DEPDC5: variants seen among roughly 807,000 people sequenced by gnomAD.
The protein encoded by DEPDC5 is GATOR1 complex protein DEPDC5.
A neutral mutation model predicts 217.3 loss-of-function variants in DEPDC5; 73 were observed. The observed-to-expected ratio is 0.34, with a 90% confidence interval of 0.28 to 0.41. The LOEUF is 0.41. Ranked by LOEUF, DEPDC5 falls within the 10% of genes least tolerant of loss-of-function variation. DEPDC5 has a pLI of 1.00. For missense variants in DEPDC5, 1,675 were observed against 2,070.1 expected (o/e 0.81, Z 3.70); for synonymous variants, 733 against 756.7 (o/e 0.97, Z 0.51).
chr22:31,804,126 C>G (rs201410401), intron 15 of DEPDC5, 36 bp from the exon 16 acceptor site: 17 of 1,607,078 alleles, frequency 1.1e-5, no homozygotes, highest in Non-Finnish European at 1.4e-5. Context: ...TCTGCCATTC[C>G]CTCCCCACAA....
chr22:31,766,727 T>A, intron 6 of DEPDC5, 59 bp downstream of exon 6: 1 of 1,436,172 alleles, frequency 7.0e-7, no homozygotes, highest in Non-Finnish European at 9.8e-7. Context: ...ATAATCCCTG[T>A]TTATTATGGG....
chr22:31,760,344 A>G (rs1269159299), intron 3 of DEPDC5, among the ~76,000 whole-genome samples: 1 of 152,070 alleles, frequency 6.6e-6, no homozygotes, highest in Non-Finnish European at 1.5e-5. Flanking sequence ...CTGGGATTAC[A>G]GGCATGAGCC....
At chr22:31,785,011 T>A in intron 10 of DEPDC5, 136 bp downstream of exon 10, 1 of 650,596 alleles carries the variant, frequency 1.5e-6, no homozygotes, top group Non-Finnish European at 2.6e-6. Context: ...TAAATTACCC[T>A]AATAATCTCA....
intron 15 of DEPDC5, 34 bp downstream of exon 15, chr22:31,802,872 T>C (rs2087029105): frequency 7.1e-6 from 11 of 1,559,146 alleles, no homozygotes; most frequent in Non-Finnish European, 9.6e-6. Flanking sequence ...TGTCTCCACA[T>C]GTTCCTAGCC....
At chr22:31,859,379 C>CCA (rs1294631843) in intron 32 of DEPDC5, among the ~76,000 whole-genome samples, 9 of 146,854 alleles carry the variant, frequency 6.1e-5, no homozygotes, top group African/African-American at 5.1e-5. Context: ...GCGTGAGCCA[C>CCA]TGCGCCCGGC....
intron 31 of DEPDC5, among the ~76,000 whole-genome samples, chr22:31,848,534 C>T (rs1467908200): frequency 6.6e-6 from 1 of 152,152 alleles, no homozygotes; most frequent in African/African-American, 2.4e-5. Context: ...CCCCTTTTAG[C>T]CATGGCTGGA....
chr22:31,804,119 G>A, intron 15 of DEPDC5, 43 bp from the exon 16 acceptor site: 1 of 1,593,662 alleles, frequency 6.3e-7, no homozygotes. Flanking sequence ...ACTTGTCTCT[G>A]CCATTCCCTC....
chr22:31,788,475 A>C (rs2085266739), intron 10 of DEPDC5, among the ~76,000 whole-genome samples: 1 of 148,910 alleles, frequency 6.7e-6, no homozygotes, highest in Non-Finnish European at 1.5e-5. Flanking sequence ...ACTAGGTCTC[A>C]CTATGTTATC....
Position 31,906,513 on chromosome 22 carries a change from G to A in DEPDC5, c.*16G>A. On this transcript the variant is annotated 3_prime_UTR_variant, in exon 43 of 43. Coordinates refer to ENST00000651528, the MANE Select transcript of DEPDC5 (RefSeq NM_001242896.3). The surrounding 1 kb of genome is among the most constrained non-coding windows in gnomAD (Gnocchi z 5.1). The stretch of plus-strand genomic sequence containing the variant: ...TGCCCCGTGAGGCCAGGCTGCACCT[G>A]TGCTGGGGGAAGGTGGGTGAGCCAC... 1 of 1,610,544 alleles carries A rather than the reference G, an allele frequency of 6.2e-7. No individual in the cohort carries two copies. The highest frequency in any genetic ancestry group is 1.7e-5 in the Admixed American group (1 of 59,988).
intron 21 of DEPDC5, chr22:31,817,562 C>T: frequency 3.1e-6 from 1 of 322,540 alleles, no homozygotes; most frequent in East Asian, 8.3e-5. Context: ...AATATTGGCT[C>T]ACTACAGCCT....
intron 23 of DEPDC5, among the ~76,000 whole-genome samples, chr22:31,822,051 G>A (rs984844956): frequency 6.6e-6 from 1 of 152,164 alleles, no homozygotes; most frequent in African/African-American, 2.4e-5. Flanking sequence ...TCCCACTGTT[G>A]AGTTTAGAAT....
At chr22:31,784,933 T>A in intron 10 of DEPDC5, 58 bp downstream of exon 10, 1 of 1,490,460 alleles carries the variant, frequency 6.7e-7, no homozygotes, top group Non-Finnish European at 9.2e-7. Flanking sequence ...ATCAGATTTT[T>A]AAAATGCACT....
chr22:31,760,406 G>A (rs1374108689), intron 3 of DEPDC5, among the ~76,000 whole-genome samples: 21 of 152,042 alleles, frequency 1.4e-4, no homozygotes, highest in East Asian at 1.9e-4. Flanking sequence ...GGGTTTCACC[G>A]TGTTAGCCAG....
intron 8 of DEPDC5, among the ~76,000 whole-genome samples, chr22:31,780,700 G>A (rs1397624783): frequency 6.6e-6 from 1 of 152,170 alleles, no homozygotes; most frequent in Non-Finnish European, 1.5e-5. Context: ...CACCAGGCTG[G>A]AAGTACCTCC....
In DEPDC5 at chr22:31,838,858, C is replaced by T; in HGVS notation, c.2515+13C>T. The stretch of plus-strand genomic sequence containing the variant: ...CTCTATAGCCGAGGTGAGTTTTTCT[C>T]CTTGGATTTCTATTTTTTTCTCTTC... On this transcript the variant is annotated intron_variant, in intron 27 of 42. Transcript: ENST00000651528. The T allele has an allele frequency of 6.2e-7, 1 of 1,605,486 alleles. No individual in the cohort carries two copies. The highest frequency in any genetic ancestry group is 8.5e-7 in the Non-Finnish European group (1 of 1,174,138).
chr22:31,889,950 A>G (rs533626659), intron 38 of DEPDC5, among the ~76,000 whole-genome samples: 28 of 152,298 alleles, frequency 1.8e-4, no homozygotes, highest in Non-Finnish European at 2.9e-4. Context: ...CTTTAGCCTT[A>G]AATGTCACAG....
At chr22:31,878,479 G>C (rs2093066972) in intron 37 of DEPDC5, among the ~76,000 whole-genome samples, 1 of 151,822 alleles carries the variant, frequency 6.6e-6, no homozygotes, top group Non-Finnish European at 1.5e-5. Flanking sequence ...TGAGGTATGA[G>C]GATCTCTTGA....
intron 33 of DEPDC5, among the ~76,000 whole-genome samples, chr22:31,864,530 A>ATATATATATATATATATATATATATT (rs1372150061): frequency 8.6e-5 from 12 of 139,042 alleles, no homozygotes; most frequent in South Asian, 2.2e-4. Context: ...ATATATTTAT[A>ATATATATATATATATATATATATATT]TATTTATTTA....
intron 40 of DEPDC5, 111 bp from the exon 41 acceptor site, chr22:31,901,631 A>G (rs1274494329): frequency 2.3e-6 from 2 of 887,330 alleles, no homozygotes; most frequent in Non-Finnish European, 3.6e-6. Flanking sequence ...AGCAGAGGTT[A>G]GGCTCAAGGG....
Sources: allele counts gnomAD v4.1 joint callset (sites outside exome capture counted in the v4.1 genomes callset), GRCh38; gene constraint gnomAD v4.1.1; non-coding constraint Gnocchi (gnomAD v3.1); transcripts MANE v1.5; gene names NCBI Gene and HGNC (gene_info 2026-07-23, HGNC 2026-07-21).